Variants in PARP1 observed in about 807,000 individuals in gnomAD.
PARP1 encodes poly(ADP-ribose) polymerase 1.
In PARP1, 44 loss-of-function variants were observed where a neutral mutation model predicts 118.7. The observed-to-expected ratio is 0.37, with a 90% CI of 0.29 to 0.48. The LOEUF (loss-of-function observed/expected upper bound fraction) is 0.48, where lower values mean the gene tolerates loss of function less well. PARP1 is among the 20% of genes least tolerant of loss of function. The pLI, the probability that PARP1 is intolerant of heterozygous loss-of-function variation, is 0.99. For synonymous variants in PARP1, 492 were observed against 483.2 expected (o/e 1.02, Z -0.24); for missense variants, 1,100 against 1,272.4 (o/e 0.86, Z 2.06).
At chr1:226,387,294 T>C (rs1664733185) in intron 5 of PARP1, among the ~76,000 whole-genome samples, 1 of 152,152 alleles carries the variant, frequency 6.6e-6, no homozygotes, top group Non-Finnish European at 1.5e-5. Context: ...CTCATCTCAT[T>C]TATTCTCATA....
At position 226,385,589 on chromosome 1, in the gene PARP1, T is replaced by C. The variant is rs761098347; in HGVS notation, c.926A>G (p.Tyr309Cys). The change falls in exon 7 of 23, where the codon TAT (tyrosine) becomes TGT (cysteine). Residue 309 changes from tyrosine to cysteine, a missense_variant. Tyr to Cys is a radical substitution (Grantham distance 194). Transcript: ENST00000366794. ...GGCAGTGACGTCCCCAGTGCAGTAA[T>C]AGGCATCGCTCTTGAAGACCAGCTG... ...SGQLVFKSDA[Y>C]YCTGDVTAWT... The C allele has an allele frequency of 5.0e-6, 8 of 1,614,026 alleles. No homozygotes were observed. The highest frequency in any genetic ancestry group is 1.3e-5 in the African/African-American group (1 of 74,902).
At chr1:226,405,222 C>A (rs1416295755) in intron 1 of PARP1, among the ~76,000 whole-genome samples, 1 of 152,196 alleles carries the variant, frequency 6.6e-6, no homozygotes, top group African/African-American at 2.4e-5. Flanking sequence ...ACATAAAAAT[C>A]ACAGTTACTT....
At chr1:226,367,660 G>C (rs2102728522) in intron 16 of PARP1, 52 bp from the exon 17 acceptor site, 1 of 1,607,702 alleles carries the variant, frequency 6.2e-7, no homozygotes, top group African/African-American at 1.3e-5. Context: ...GAATGAGACA[G>C]ACTCACCCAG....
chr1:226,403,036 G>A lies in PARP1; in HGVS notation c.121-657C>T, dbSNP rs1317037927. Among the ~76,000 whole-genome samples, 3 of 152,218 alleles carry A rather than the reference G, an allele frequency of 2.0e-5. No individual in the cohort carries two copies. In the East Asian group the frequency reaches 5.8e-4, roughly 29 times the overall value. The stretch of plus-strand genomic sequence containing the variant: ...GTTCGGGGCAGCATGCCTAGAGCTG[G>A]AGTCAGCTGCTCACTGGCCTTCTGG... On this transcript the variant is annotated intron_variant, in intron 1 of 22. Transcript: ENST00000366794.
intron 2 of PARP1, among the ~76,000 whole-genome samples, chr1:226,397,740 G>C (rs755573951): frequency 1.3e-5 from 2 of 152,140 alleles, no homozygotes; most frequent in African/African-American, 2.4e-5. Context: ...AAGGTTGGAG[G>C]ACTGACACTA....
intron 3 of PARP1, among the ~76,000 whole-genome samples, chr1:226,391,332 G>A (rs1280947463): frequency 6.6e-6 from 1 of 152,048 alleles, no homozygotes; most frequent in Non-Finnish European, 1.5e-5. Context: ...ACCCCCTAAG[G>A]AGTAATAAAC....
chr1:226,365,793 C>CCA (rs1664252132), intron 18 of PARP1, among the ~76,000 whole-genome samples, 161 bp downstream of exon 18: 1 of 147,006 alleles, frequency 6.8e-6, no homozygotes, highest in African/African-American at 2.5e-5. Context: ...AACAAACAAA[C>CCA]AAAAAAAAAA....
chr1:226,381,292 A>G, intron 8 of PARP1, 84 bp from the exon 9 acceptor site: 1 of 1,524,868 alleles, frequency 6.6e-7, no homozygotes, highest in Non-Finnish European at 9.1e-7. Flanking sequence ...CAGGTGAGCC[A>G]AGCAGCGAGC....
chr1:226,388,768 C>G lies in PARP1; in HGVS notation c.618-13G>C. The G allele has an allele frequency of 1.2e-6, 2 of 1,600,142 alleles. No individual in the cohort carries two copies. The highest frequency in any genetic ancestry group is 1.7e-6 in the Non-Finnish European group (2 of 1,167,356). ...GCCTTTTCTCTTTCTGAAGGAGACA[C>G]AGGATATGAGAGACAGCCAGAGCCA... On this transcript the variant is annotated splice_polypyrimidine_tract_variant and intron_variant, in intron 4 of 22. Transcript: ENST00000366794.
At position 226,388,773 on chromosome 1, in the gene PARP1, T is replaced by A. The variant is rs1664768573; in HGVS notation, c.618-18A>T. On this transcript the variant is annotated intron_variant, in intron 4 of 22. Coordinates refer to ENST00000366794, the MANE Select transcript of PARP1 (RefSeq NM_001618.4). The stretch of plus-strand genomic sequence containing the variant: ...TTCTCTTTCTGAAGGAGACACAGGA[T>A]ATGAGAGACAGCCAGAGCCATTAAA... 1 of 1,583,454 alleles carries A rather than the reference T, an allele frequency of 6.3e-7. No individual in the cohort carries two copies. The highest frequency in any genetic ancestry group is 8.7e-7 in the Non-Finnish European group (1 of 1,152,240).
Position 226,383,171 on chromosome 1 carries a change from T to C in PARP1, c.1024A>G (p.Ile342Val). The change falls in exon 8 of 23, where the codon ATC becomes GTC. Residue 342 changes from isoleucine (I) to valine (V), a missense_variant. By Grantham distance (29) the Ile-to-Val change is conservative (BLOSUM62 3). Around this residue, in one of 2 missense-constraint regions of PARP1, gnomAD observed 948 missense variants for 1,031.8 expected, o/e 0.92. Transcript: ENST00000366794. ...ACCTTCAATTTCTTGAGGTAAGAGA[T>C]TTCTCGGAATTCCTAAAAAATATTA... ...EWVTPKEFREISYLKKLKVKK... is the reference protein window; with the variant it reads ...EWVTPKEFREVSYLKKLKVKK... 1.2e-6 allele frequency: 2 copies of C among 1,613,128 alleles called. No individual in the cohort carries two copies. The highest frequency in any genetic ancestry group is 1.7e-6 in the Non-Finnish European group (2 of 1,179,534).
chr1:226,402,280 A>G lies in PARP1; in HGVS notation c.220T>C (p.Phe74Leu). ...TGGTCATCCCACCGAAGCTCAGAGA[A>G]CCCATCCACCTCAACGTCAGGGTGC... Reference protein sequence around the residue: ...IRHPDVEVDGFSELRWDDQQK... With the variant: ...IRHPDVEVDGLSELRWDDQQK... The change falls in exon 2 of 23, where the codon TTC (phenylalanine) becomes CTC (leucine). Residue 74 changes from phenylalanine to leucine, a missense_variant. Phe to Leu is a conservative substitution (Grantham distance 22, BLOSUM62 0). This residue lies in a region of PARP1 where 948 missense variants were observed against 1,031.8 expected (regional missense o/e 0.92). Coordinates refer to ENST00000366794, the MANE Select transcript of PARP1 (RefSeq NM_001618.4). 1 of 1,614,164 alleles carries G rather than the reference A, an allele frequency of 6.2e-7. No individual in the cohort carries two copies. Among genetic ancestry groups the G allele is most frequent in the Non-Finnish European group, 8.5e-7 (1 of 1,180,040 alleles).
chr1:226,377,378 C>T, intron 12 of PARP1, 75 bp from the exon 13 acceptor site: 1 of 1,121,552 alleles, frequency 8.9e-7, no homozygotes, highest in East Asian at 2.4e-5. Flanking sequence ...CCTTTCCTGC[C>T]ATTACATTCA....
chr1:226,380,943 A>G (rs1664591763), intron 9 of PARP1, 125 bp downstream of exon 9: 1 of 1,073,698 alleles, frequency 9.3e-7, no homozygotes, highest in African/African-American at 1.5e-5. Context: ...ATAAAGAACC[A>G]CAGCGATGAT....
chr1:226,382,422 C>G (rs1664627419), intron 8 of PARP1, among the ~76,000 whole-genome samples: 1 of 152,214 alleles, frequency 6.6e-6, no homozygotes, highest in African/African-American at 2.4e-5. Context: ...GCAGTGCAGT[C>G]AGGCAGGAGA....
intron 15 of PARP1, 53 bp downstream of exon 15, chr1:226,370,381 C>G (rs952928556): frequency 1.3e-5 from 18 of 1,340,936 alleles, no homozygotes; most frequent in African/African-American, 8.6e-5. Context: ...GGTCTCACCC[C>G]CTAAGTCGGC....
chr1:226,378,069 T>C (rs926991013), intron 12 of PARP1, among the ~76,000 whole-genome samples: 2 of 152,152 alleles, frequency 1.3e-5, no homozygotes, highest in Non-Finnish European at 2.9e-5. Flanking sequence ...GTTTTTCCTG[T>C]GAAAATTTTT....
chr1:226,386,514 G>A, intron 5 of PARP1, 72 bp from the exon 6 acceptor site: 1 of 984,926 alleles, frequency 1.0e-6, no homozygotes, highest in Middle Eastern at 2.6e-4. Flanking sequence ...GAGGAGCCCT[G>A]GTCATGCTGA....
At chr1:226,396,089 T>C (rs1428138371) in intron 2 of PARP1, among the ~76,000 whole-genome samples, 1 of 152,232 alleles carries the variant, frequency 6.6e-6, no homozygotes, top group Non-Finnish European at 1.5e-5. Context: ...CTCACGCCTA[T>C]AATCCCAGCA....
Sources: allele counts gnomAD v4.1 joint callset (sites outside exome capture counted in the v4.1 genomes callset), GRCh38; gene constraint gnomAD v4.1.1; regional missense constraint gnomAD v4.1.1; transcripts MANE v1.5; gene names NCBI Gene and HGNC (gene_info 2026-07-23, HGNC 2026-07-21).